The following ADCK1 variants were observed in gnomAD, a reference collection of about 807,000 sequenced individuals.
ADCK1 encodes aarF domain-containing protein kinase 1.
Under a neutral mutation model 52.3 loss-of-function variants are expected in ADCK1, and 41 were observed. The observed-to-expected ratio is 0.78, with a 90% CI of 0.61 to 1.02. The LOEUF is 1.02. Among genes scored for constraint, ADCK1 ranks in the 50% least tolerant of loss-of-function variants. ADCK1 has a pLI of 0.00. For missense variants in ADCK1, 658 were observed against 679.5 expected (o/e 0.97, Z 0.35); for synonymous variants, 250 against 274.6 (o/e 0.91, Z 0.89).
intron 4 of ADCK1, among the ~76,000 whole-genome samples, chr14:77,871,680 C>G (rs114796780): frequency 0.013 from 1,905 of 152,192 alleles, 37 homozygotes; most frequent in African/African-American, 0.044. Flanking sequence ...CTTCCTGAGA[C>G]TTGGAAGTCC....
At chr14:77,844,521 G>C (rs1418766384) in intron 3 of ADCK1, among the ~76,000 whole-genome samples, 7 of 152,156 alleles carry the variant, frequency 4.6e-5, no homozygotes, top group Admixed American at 4.6e-4. Flanking sequence ...TCTCCCCCCT[G>C]TTGGACTCCC....
chr14:77,892,415 C>T (rs1259210160), intron 5 of ADCK1, among the ~76,000 whole-genome samples: 1 of 152,090 alleles, frequency 6.6e-6, no homozygotes, highest in East Asian at 1.9e-4. Context: ...CTAATACTAA[C>T]CCTTATTATC....
intron 8 of ADCK1, 31 bp downstream of exon 8, chr14:77,924,637 G>A (rs1251885332): frequency 1.9e-6 from 3 of 1,608,652 alleles, no homozygotes; most frequent in Middle Eastern, 1.8e-4. Flanking sequence ...CCAGCCCTGG[G>A]GCCTCTGGGG....
At chr14:77,866,954 A>T (rs1440689996) in intron 4 of ADCK1, among the ~76,000 whole-genome samples, 2 of 152,108 alleles carry the variant, frequency 1.3e-5, no homozygotes, top group Non-Finnish European at 2.9e-5. Context: ...CCAGGCTCTC[A>T]TATTGTTTGC....
intron 3 of ADCK1, among the ~76,000 whole-genome samples, chr14:77,848,152 A>G (rs1456933353): frequency 6.6e-6 from 1 of 152,146 alleles, no homozygotes; most frequent in African/African-American, 2.4e-5. Context: ...CAGTCCTCCT[A>G]TCTTGGCTTC....
At chr14:77,863,233 T>A (rs2082589585) in intron 4 of ADCK1, among the ~76,000 whole-genome samples, 1 of 152,122 alleles carries the variant, frequency 6.6e-6, no homozygotes, top group African/African-American at 2.4e-5. Flanking sequence ...GACTGAGATA[T>A]ACGGAGTGGG....
chr14:77,895,716 T>A (rs1011079940), intron 5 of ADCK1, among the ~76,000 whole-genome samples: 7 of 152,170 alleles, frequency 4.6e-5, no homozygotes, highest in African/African-American at 1.7e-4. Flanking sequence ...CCAAGAAAAG[T>A]CTAAAATGGC....
At chr14:77,838,321 G>C (rs898279541) in intron 3 of ADCK1, among the ~76,000 whole-genome samples, 2 of 152,168 alleles carry the variant, frequency 1.3e-5, no homozygotes, top group African/African-American at 4.8e-5. Context: ...GCTAATTTAA[G>C]GCAAGGTGGT....
At chr14:77,880,522 T>C (rs894431180) in intron 4 of ADCK1, among the ~76,000 whole-genome samples, 1 of 152,222 alleles carries the variant, frequency 6.6e-6, no homozygotes, top group South Asian at 2.1e-4. Flanking sequence ...ATTTTTATTA[T>C]AATAAATTGC....
At chr14:77,865,678 C>A (rs1355109323) in intron 4 of ADCK1, among the ~76,000 whole-genome samples, 1 of 152,164 alleles carries the variant, frequency 6.6e-6, no homozygotes, top group Non-Finnish European at 1.5e-5. Context: ...CGAGCCTTGG[C>A]GGTAGACAGG....
chr14:77,839,513 G>A (rs144661439), intron 3 of ADCK1, among the ~76,000 whole-genome samples: 29 of 152,264 alleles, frequency 1.9e-4, no homozygotes, highest in African/African-American at 6.5e-4. Context: ...ATAACATGTG[G>A]CACCTGTGTG....
intron 4 of ADCK1, among the ~76,000 whole-genome samples, chr14:77,879,215 G>A (rs60646057): frequency 0.017 from 2,659 of 152,254 alleles, 59 homozygotes; most frequent in African/African-American, 0.061. Context: ...TCATCTGTTA[G>A]GAAATACTTA....
At chr14:77,852,386 A>C (rs1198527593) in intron 3 of ADCK1, among the ~76,000 whole-genome samples, 1 of 151,414 alleles carries the variant, frequency 6.6e-6, no homozygotes, top group Non-Finnish European at 1.5e-5. Context: ...ATTTTTGAAA[A>C]ATTTTCTTTG....
chr14:77,892,746 A>G (rs1369016032), intron 5 of ADCK1, among the ~76,000 whole-genome samples: 1 of 152,120 alleles, frequency 6.6e-6, no homozygotes, highest in African/African-American at 2.4e-5. Flanking sequence ...GACCACCTTG[A>G]TTGGCTTAAA....
chr14:77,921,876 G>A (rs555678335), intron 7 of ADCK1, among the ~76,000 whole-genome samples: 8 of 152,056 alleles, frequency 5.3e-5, no homozygotes, highest in Non-Finnish European at 1.0e-4. Context: ...GGCCCAGAGC[G>A]ATTAGCAATA....
chr14:77,823,552 T>C (rs1227328064), intron 3 of ADCK1, among the ~76,000 whole-genome samples: 1 of 150,054 alleles, frequency 6.7e-6, no homozygotes, highest in Non-Finnish European at 1.5e-5. Context: ...GTTAGTCATC[T>C]TTCCCCCCTT....
rs1424041904 is a variant in ADCK1 at position 77,813,676 on chromosome 14, C to T, written c.-11-5292C>T. ...ACCCTTGTAGAGTGAATACAGTCCT[C>T]TGGTGTTGGGGAAGGGGAGGCATGT... On this transcript the variant is annotated intron_variant, in intron 1 of 10. Transcript: ENST00000238561. Among the ~76,000 whole-genome samples, 3 of 152,084 alleles carry T rather than the reference C, an allele frequency of 2.0e-5. No homozygotes were observed. The East Asian group carries it at 5.8e-4, about 29-fold the overall frequency.
chr14:77,874,879 G>A (rs1385939872), intron 4 of ADCK1, among the ~76,000 whole-genome samples: 1 of 152,200 alleles, frequency 6.6e-6, no homozygotes, highest in Admixed American at 6.5e-5. Context: ...GGAGGTTGCA[G>A]TATTGAAGCT....
At chr14:77,899,491 T>C (rs2083483951) in intron 6 of ADCK1, among the ~76,000 whole-genome samples, 1 of 152,216 alleles carries the variant, frequency 6.6e-6, no homozygotes, top group African/African-American at 2.4e-5. Flanking sequence ...CAGATGTTTA[T>C]TGAATAATCG....
Sources: gnomAD v4.1 joint callset for allele counts (sites outside exome capture counted in the v4.1 genomes callset) on GRCh38, gnomAD v4.1.1 for gene constraint, MANE v1.5 for transcripts, NCBI Gene and HGNC (gene_info 2026-07-23, HGNC 2026-07-21) for gene names.